GTPBP1: variants seen among roughly 807,000 people sequenced by gnomAD.
GTPBP1 encodes GTP binding protein 1, also known as GTP-binding protein 1.
A neutral mutation model predicts 62.0 loss-of-function variants in GTPBP1; 23 were observed. The observed-to-expected ratio is 0.37, with a 90% confidence interval of 0.27 to 0.53. The LOEUF (loss-of-function observed/expected upper bound fraction) is 0.53. Ranked by LOEUF, GTPBP1 falls within the 20% of genes least tolerant of loss-of-function variation. The pLI is 0.89. For synonymous variants in GTPBP1, 344 were observed against 364.4 expected (o/e 0.94, Z 0.64); for missense variants, 640 against 917.3 (o/e 0.70, Z 3.90).
chr22:38,715,499 C>A (rs942522094), intron 2 of GTPBP1, among the ~76,000 whole-genome samples: 1 of 152,158 alleles, frequency 6.6e-6, no homozygotes, highest in African/African-American at 2.4e-5. Flanking sequence ...CCTCGGCTTC[C>A]CCAGGCAGTG....
Position 38,726,229 on chromosome 22 carries a change from T to G in GTPBP1, c.1219-29T>G, listed in dbSNP as rs1237413341. On this transcript the variant is annotated intron_variant, in intron 7 of 11. Coordinates refer to ENST00000216044, the MANE Select transcript of GTPBP1 (RefSeq NM_004286.5). This position sits in a 1 kb window ranked among gnomAD's most constrained non-coding sequence, Gnocchi z 4.1. ...GGGTGGGTCTGTGCTGGGGATGCAC[T>G]TATGAGGCCAGGGTCTTCTCCTTGG... The G allele has an allele frequency of 5.6e-6, 9 of 1,612,860 alleles. No individual in the cohort carries two copies. Among genetic ancestry groups the G allele is most frequent in the Non-Finnish European group, 7.6e-6 (9 of 1,179,106 alleles).
chr22:38,707,133 G>A (rs1253996055), intron 1 of GTPBP1, among the ~76,000 whole-genome samples: 1 of 152,176 alleles, frequency 6.6e-6, no homozygotes, highest in Non-Finnish European at 1.5e-5. Context: ...ACACCTAATA[G>A]TGCCTGATGC....
At position 38,716,275 on chromosome 22, in the gene GTPBP1, A is replaced by G. The variant is rs1327690254; in HGVS notation, c.485+188A>G. 9.9e-6 allele frequency: 6 copies of G among 608,558 alleles called. No individual in the cohort carries two copies. The highest frequency in any genetic ancestry group is 1.9e-5 in the African/African-American group (1 of 53,792). 37.7% of individuals were successfully genotyped at this position (608,558 alleles called of 1,614,324 possible). On this transcript the variant is annotated intron_variant, in intron 3 of 11. Coordinates refer to ENST00000216044, the MANE Select transcript of GTPBP1 (RefSeq NM_004286.5). This position sits in a 1 kb window ranked among gnomAD's most constrained non-coding sequence, Gnocchi z 5.2. ...CCTGTCACTTTGGGAAGAGCACGAG[A>G]GAGGCCAGCCGTGCATTCTGTGGCC...
downstream of GTPBP1, chr22:38,739,570 C>T: frequency 7.7e-7 from 1 of 1,299,602 alleles, no homozygotes; most frequent in Non-Finnish European, 1.1e-6. This position sits in a 1 kb window ranked among gnomAD's most constrained non-coding sequence, Gnocchi z 6.7. Context: ...GGCACACTGC[C>T]ACCCACCCAT....
intron 2 of GTPBP1, among the ~76,000 whole-genome samples, chr22:38,714,497 A>G (rs977442210): frequency 5.3e-5 from 8 of 151,324 alleles, no homozygotes; most frequent in African/African-American, 9.7e-5. Flanking sequence ...AAAAAAAAAA[A>G]AAGGCCACTG....
chr22:38,724,660 T>G (rs2092717689), intron 6 of GTPBP1, among the ~76,000 whole-genome samples: 1 of 152,204 alleles, frequency 6.6e-6, no homozygotes, highest in African/African-American at 2.4e-5. Flanking sequence ...TTCCTGGGGT[T>G]GGCATCCCGG....
At chr22:38,736,110 G>C, downstream of GTPBP1, 1 of 741,424 alleles carries the variant, frequency 1.3e-6, no homozygotes, top group Non-Finnish European at 2.4e-6. Flanking sequence ...GCCACCTGCT[G>C]CTCAGGAGAC....
downstream of GTPBP1, chr22:38,741,643 C>T (rs146370107): frequency 2.5e-5 from 36 of 1,426,170 alleles, no homozygotes; most frequent in East Asian, 6.9e-5. Flanking sequence ...TAGGAAGTGG[C>T]GGAACTGGAA....
chr22:38,739,056 G>C, downstream of GTPBP1: 4 of 1,461,334 alleles, frequency 2.7e-6, no homozygotes, highest in Non-Finnish European at 3.8e-6. The surrounding 1 kb of genome is among the most constrained non-coding windows in gnomAD (Gnocchi z 6.7). Flanking sequence ...GCCATTGGCT[G>C]TCTCCTCGCT....
intron 2 of GTPBP1, among the ~76,000 whole-genome samples, chr22:38,710,769 A>G (rs775824717): frequency 6.6e-6 from 1 of 152,194 alleles, no homozygotes; most frequent in Non-Finnish European, 1.5e-5. Context: ...ATATAGGTCA[A>G]TTTTGACAAG....
At chr22:38,742,579 C>A (rs773931170), downstream of GTPBP1, 2 of 1,594,006 alleles carry the variant, frequency 1.3e-6, no homozygotes, top group Non-Finnish European at 1.7e-6. Context: ...GAGAGAGCCA[C>A]GGAGTGAGGG....
At chr22:38,734,290 T>C (rs757616485), downstream of GTPBP1, 9 of 467,458 alleles carry the variant, frequency 1.9e-5, no homozygotes, top group South Asian at 1.4e-4. Context: ...AGCTGCTGGC[T>C]GTTCAAGGGA....
intron 2 of GTPBP1, among the ~76,000 whole-genome samples, chr22:38,714,672 G>A (rs893534837): frequency 3.9e-5 from 6 of 152,102 alleles, no homozygotes; most frequent in Admixed American, 1.3e-4. Flanking sequence ...GGGAAGGGGG[G>A]TGGTTTTCCT....
intron 2 of GTPBP1, among the ~76,000 whole-genome samples, chr22:38,714,249 C>T (rs1196807284): frequency 2.6e-5 from 4 of 151,990 alleles, no homozygotes; most frequent in Middle Eastern, 3.4e-3. Flanking sequence ...GAGGCCAAGG[C>T]GGGCAGATCA....
chr22:38,734,584 A>G (rs571762440), downstream of GTPBP1: 2 of 247,558 alleles, frequency 8.1e-6, no homozygotes, highest in South Asian at 7.2e-5. Flanking sequence ...CCCCACCACA[A>G]CTGGGCTTTA....
At chr22:38,742,494 G>A (rs774020383), downstream of GTPBP1, 1 of 1,613,566 alleles carries the variant, frequency 6.2e-7, no homozygotes, top group South Asian at 1.1e-5. Context: ...GGAAAATTCA[G>A]CAGCAAGAGC....
At chr22:38,741,878 C>T (rs2092861021), downstream of GTPBP1, among the ~76,000 whole-genome samples, 1 of 152,216 alleles carries the variant, frequency 6.6e-6, no homozygotes, top group African/African-American at 2.4e-5. Context: ...TGGTGGCTCA[C>T]GCCTGTAATC....
chr22:38,735,463 G>T (rs183781144), downstream of GTPBP1: 470 of 298,030 alleles, frequency 1.6e-3, 4 homozygotes, highest in African/African-American at 0.01. Context: ...TACCCTGGGA[G>T]AATGTGGAAA....
In GTPBP1 at chr22:38,730,625, G is replaced by T; in HGVS notation, c.1931G>T (p.Ser644Ile). 1 of 1,604,964 alleles carries T rather than the reference G, an allele frequency of 6.2e-7. No homozygotes were observed. The highest frequency in any genetic ancestry group is 8.5e-7 in the Non-Finnish European group (1 of 1,177,806). ...SNLQPQPKPS[S>I]GGRRRGGQRH... ...TCTCTCTTTCAGCCTAAGCCCAGCA[G>T]TGGAGGCCGGCGACGAGGGGGCCAG... The change falls in exon 12 of 12, where the codon AGT (serine) becomes ATT (isoleucine). Residue 644 changes from serine (S) to isoleucine (I), a missense_variant. Physicochemically the swap from Ser to Ile is moderately radical, Grantham distance 142 (BLOSUM62 -2). Around this residue, in one of 4 missense-constraint regions of GTPBP1, gnomAD observed 117 missense variants for 107.1 expected, o/e 1.09. Coordinates refer to ENST00000216044, the MANE Select transcript of GTPBP1 (RefSeq NM_004286.5). This position sits in a 1 kb window ranked among gnomAD's most constrained non-coding sequence, Gnocchi z 5.6.
Sources: gnomAD v4.1 joint callset for allele counts (sites outside exome capture counted in the v4.1 genomes callset) on GRCh38, gnomAD v4.1.1 for gene constraint, gnomAD v4.1.1 regional missense constraint, Gnocchi (gnomAD v3.1) non-coding constraint, MANE v1.5 for transcripts, NCBI Gene and HGNC (gene_info 2026-07-23, HGNC 2026-07-21) for gene names.